Variants in CHST11 observed in about 807,000 individuals in gnomAD.
The protein encoded by CHST11 is carbohydrate sulfotransferase 11.
A neutral mutation model predicts 30.4 loss-of-function variants in CHST11; 9 were observed. That is an observed-to-expected ratio of 0.30 (90% CI 0.18 to 0.52). The LOEUF (loss-of-function observed/expected upper bound fraction) is 0.52, where lower values mean the gene tolerates loss of function less well. CHST11 is among the 20% of genes least tolerant of loss of function. CHST11 has a pLI of 0.97. For synonymous variants in CHST11, 152 were observed against 187.8 expected (o/e 0.81, Z 1.56); for missense variants, 348 against 460.6 (o/e 0.76, Z 2.24).
At chr12:104,467,009 A>G (rs2037466341) in intron 1 of CHST11, among the ~76,000 whole-genome samples, 1 of 152,180 alleles carries the variant, frequency 6.6e-6, no homozygotes, top group African/African-American at 2.4e-5. Context: ...ATTATCTTCA[A>G]GTTGTGGTTT....
intron 1 of CHST11, among the ~76,000 whole-genome samples, chr12:104,465,074 C>T (rs2037445141): frequency 6.6e-6 from 1 of 152,234 alleles, no homozygotes; most frequent in Non-Finnish European, 1.5e-5. Flanking sequence ...AGTGTGCCTT[C>T]ACCATGGATG....
intron 1 of CHST11, among the ~76,000 whole-genome samples, chr12:104,519,711 G>A (rs1425464811): frequency 6.6e-6 from 1 of 152,162 alleles, no homozygotes; most frequent in African/African-American, 2.4e-5. Context: ...TTTGACACCA[G>A]CATTTTGCAT....
chr12:104,499,768 C>T (rs1331388968), intron 1 of CHST11, among the ~76,000 whole-genome samples: 1 of 152,188 alleles, frequency 6.6e-6, no homozygotes, highest in Admixed American at 6.5e-5. Flanking sequence ...GCCTCCGGTC[C>T]TCAGTGCTAC....
chr12:104,736,533 C>T lies in CHST11; in HGVS notation c.205-20416C>T, dbSNP rs2040302572. The stretch of plus-strand genomic sequence containing the variant: ...TAACTTTCAGAGAAAATGCCCTGCC[C>T]TCCTGGATTCTGGCCCAGTTTGAAG... On this transcript the variant is annotated intron_variant, in intron 2 of 2. Coordinates refer to ENST00000303694, the MANE Select transcript of CHST11 (RefSeq NM_018413.6). Among the ~76,000 whole-genome samples the T allele has an allele frequency of 2.0e-5, 3 of 152,320 alleles. No homozygotes were observed. In the South Asian group the frequency reaches 6.2e-4, roughly 32 times the overall value.
intron 1 of CHST11, among the ~76,000 whole-genome samples, chr12:104,471,896 C>G (rs2037512766): frequency 6.6e-6 from 1 of 152,074 alleles, no homozygotes; most frequent in African/African-American, 2.4e-5. Context: ...TAGTGTAGCT[C>G]TAAAGTGTTA....
chr12:104,541,362 T>C (rs889993621), intron 1 of CHST11, among the ~76,000 whole-genome samples: 2 of 152,160 alleles, frequency 1.3e-5, no homozygotes, highest in African/African-American at 2.4e-5. Flanking sequence ...GGGGTATTTC[T>C]TCTCAGAGCC....
At chr12:104,623,296 T>TC (rs1202823361) in intron 2 of CHST11, among the ~76,000 whole-genome samples, 2 of 152,292 alleles carry the variant, frequency 1.3e-5, no homozygotes, top group East Asian at 3.9e-4. Context: ...TAATAATGCC[T>TC]CCCTCAAGAG....
At chr12:104,740,409 C>T (rs2040337076) in intron 2 of CHST11, among the ~76,000 whole-genome samples, 1 of 152,212 alleles carries the variant, frequency 6.6e-6, no homozygotes. Flanking sequence ...CCCTGGAATC[C>T]ATCCCTGCAC....
intron 1 of CHST11, among the ~76,000 whole-genome samples, chr12:104,509,366 T>C (rs906382655): frequency 6.6e-6 from 1 of 152,226 alleles, no homozygotes; most frequent in Non-Finnish European, 1.5e-5. Context: ...GTCTTGGGTA[T>C]GTCTTTATCA....
intron 1 of CHST11, among the ~76,000 whole-genome samples, chr12:104,519,761 C>T (rs1165692369): frequency 6.6e-6 from 1 of 152,184 alleles, no homozygotes; most frequent in Non-Finnish European, 1.5e-5. Flanking sequence ...TTGATATTTT[C>T]ATTCCTCTAA....
intron 1 of CHST11, among the ~76,000 whole-genome samples, chr12:104,482,158 A>G (rs985206603): frequency 2.0e-5 from 3 of 151,902 alleles, no homozygotes; most frequent in Admixed American, 6.6e-5. Flanking sequence ...TTGCTGATAT[A>G]AAGAATGTAT....
chr12:104,725,361 G>A (rs2040208683), intron 2 of CHST11, among the ~76,000 whole-genome samples: 2 of 152,172 alleles, frequency 1.3e-5, no homozygotes, highest in African/African-American at 4.8e-5. Flanking sequence ...TGAAGACCTG[G>A]TTCTTCAGCC....
intron 2 of CHST11, among the ~76,000 whole-genome samples, chr12:104,627,551 A>C (rs900709488): frequency 2.0e-5 from 3 of 152,226 alleles, no homozygotes; most frequent in Non-Finnish European, 4.4e-5. Flanking sequence ...AGGTTATTCA[A>C]CAAGCGCAGG....
chr12:104,655,159 T>C lies in CHST11; in HGVS notation c.204+53168T>C, dbSNP rs117809779. Among the ~76,000 whole-genome samples the C allele has an allele frequency of 5.3e-4, 81 of 152,368 alleles. 2 individuals are homozygous for C. The East Asian group carries it at 0.013, about 24-fold the overall frequency. On this transcript the variant is annotated intron_variant, in intron 2 of 2. Transcript: ENST00000303694. ...AGCTGATGGAAATGGCAGAGGGCTT[T>C]GTCAAGTTGACGGGGAAGGTTTCTG...
intron 1 of CHST11, among the ~76,000 whole-genome samples, chr12:104,531,276 G>A (rs1370604343): frequency 6.6e-6 from 1 of 152,062 alleles, no homozygotes; most frequent in African/African-American, 2.4e-5. Context: ...GGTCAGTGAG[G>A]CCAGGAGTTT....
chr12:104,531,805 G>A lies in CHST11; in HGVS notation c.119-70101G>A, dbSNP rs184526931. On this transcript the variant is annotated intron_variant, in intron 1 of 2. Transcript: ENST00000303694. ...CCAGTCACTCTCTCTGTTACACATA[G>A]TACCTTCTTCCCATTACTGTCAATG... Among the ~76,000 whole-genome samples, 357 of 152,280 alleles carry A rather than the reference G, an allele frequency of 2.3e-3. 3 individuals carry two copies. The highest frequency in any genetic ancestry group is 8.3e-3 in the African/African-American group (344 of 41,554).
At chr12:104,606,727 A>G (rs1261451410) in intron 2 of CHST11, among the ~76,000 whole-genome samples, 1 of 152,198 alleles carries the variant, frequency 6.6e-6, no homozygotes, top group East Asian at 1.9e-4. Context: ...AAAATTCACA[A>G]AAGCAGGGGC....
At position 104,757,060 on chromosome 12, in the gene CHST11, G is replaced by C. The variant is rs145169297; in HGVS notation, c.316G>C (p.Asp106His). 6.2e-7 allele frequency: 1 copy of C among 1,614,130 alleles called. No individual in the cohort carries two copies. Among genetic ancestry groups the C allele is most frequent in the Non-Finnish European group, 8.5e-7 (1 of 1,180,030 alleles). Residue 106 changes from aspartate to histidine, a missense_variant, in exon 3 of 3, where the codon GAC becomes CAC. Transcript: ENST00000303694. This position sits in a 1 kb window ranked among gnomAD's most constrained non-coding sequence, Gnocchi z 6.5. ...SRKRRVLTPN[D>H]LKHLVVDEDH... is the part of the protein sequence containing the mutation. ...TAAGCGGAGGGTGCTGACCCCCAAC[G>C]ACCTGAAGCACTTGGTGGTGGATGA... is the stretch of plus-strand genomic sequence containing the variant.
intron 2 of CHST11, among the ~76,000 whole-genome samples, chr12:104,686,435 T>C (rs1316155793): frequency 6.6e-6 from 1 of 152,074 alleles, no homozygotes; most frequent in Non-Finnish European, 1.5e-5. Flanking sequence ...AGTTGGTTGA[T>C]GATTGCTGGA....
Sources: gnomAD v4.1 joint callset for allele counts (sites outside exome capture counted in the v4.1 genomes callset) on GRCh38, gnomAD v4.1.1 for gene constraint, Gnocchi (gnomAD v3.1) non-coding constraint, MANE v1.5 for transcripts, NCBI Gene and HGNC (gene_info 2026-07-23, HGNC 2026-07-21) for gene names.